Variants in MARCHF11 observed in about 807,000 individuals in gnomAD.
MARCHF11 encodes the protein membrane associated ring-CH-type finger 11, also known as E3 ubiquitin-protein ligase MARCHF11.
Under a neutral mutation model 37.3 loss-of-function variants are expected in MARCHF11, and 29 were observed. That is an observed-to-expected ratio of 0.78 (90% CI 0.58 to 1.06). The LOEUF (loss-of-function observed/expected upper bound fraction) is 1.06, where lower values mean the gene tolerates loss of function less well. Among genes scored for constraint, MARCHF11 ranks in the 50% least tolerant of loss-of-function variants. MARCHF11 has a pLI of 0.00. For missense variants in MARCHF11, 482 were observed against 533.4 expected (o/e 0.90, Z 0.95); for synonymous variants, 233 against 228.0 (o/e 1.02, Z -0.20).
intron 2 of MARCHF11, among the ~76,000 whole-genome samples, chr5:16,102,545 A>G (rs192547543): frequency 1.3e-5 from 2 of 152,356 alleles, no homozygotes; most frequent in Admixed American, 6.5e-5. Context: ...GCAATTGGAC[A>G]TCGGAGACTA....
chr5:16,125,352 C>T lies in MARCHF11; in HGVS notation c.694-34271G>A, dbSNP rs1233976488. 3.5e-5 allele frequency among the ~76,000 whole-genome samples: 5 copies of T among 141,660 alleles called. No homozygotes were observed. The East Asian group carries it at 9.6e-4, about 27-fold the overall frequency. 92.9% of individuals were successfully genotyped at this position (141,660 alleles called of 152,430 possible). A position where few individuals can be genotyped will look rare whatever the true frequency, so the allele number is the denominator to read the frequency against. ...GATAATACATGTCACTATCCAGAACCGAGATATCTCACAGTTCATGTTCAA... is the reference window on the plus strand; with the variant it reads ...GATAATACATGTCACTATCCAGAACTGAGATATCTCACAGTTCATGTTCAA... On this transcript the variant is annotated intron_variant, in intron 2 of 3. Coordinates refer to ENST00000332432, the MANE Select transcript of MARCHF11 (RefSeq NM_001102562.3).
At chr5:16,118,334 G>A (rs1028122216) in intron 2 of MARCHF11, among the ~76,000 whole-genome samples, 2 of 152,138 alleles carry the variant, frequency 1.3e-5, no homozygotes, top group Admixed American at 1.3e-4. Context: ...TTCACTGCTG[G>A]ATGCAGACTG....
chr5:16,169,599 A>T (rs1316147742), intron 2 of MARCHF11, among the ~76,000 whole-genome samples: 1 of 152,132 alleles, frequency 6.6e-6, no homozygotes, highest in African/African-American at 2.4e-5. Flanking sequence ...GTCTTATCAT[A>T]TAACAGGTTC....
chr5:16,087,331 C>G (rs932218482), intron 3 of MARCHF11, among the ~76,000 whole-genome samples: 2 of 152,332 alleles, frequency 1.3e-5, no homozygotes, highest in African/African-American at 4.8e-5. Flanking sequence ...ACACCCTTCT[C>G]TTAATTCTCA....
chr5:16,152,514 G>T (rs541904252), intron 2 of MARCHF11, among the ~76,000 whole-genome samples: 2 of 152,048 alleles, frequency 1.3e-5, no homozygotes, highest in Non-Finnish European at 2.9e-5. Flanking sequence ...AGAAGGATAG[G>T]TGTAAGAGCA....
intron 2 of MARCHF11, among the ~76,000 whole-genome samples, chr5:16,142,147 C>A (rs917721556): frequency 6.6e-6 from 1 of 152,192 alleles, no homozygotes; most frequent in African/African-American, 2.4e-5. Flanking sequence ...GAAGGGCTGG[C>A]TTCACTATTT....
intron 2 of MARCHF11, among the ~76,000 whole-genome samples, chr5:16,098,886 A>G (rs915516536): frequency 6.6e-5 from 10 of 152,214 alleles, no homozygotes; most frequent in African/African-American, 2.4e-4. Flanking sequence ...AAAAATCATA[A>G]ATGACTTAAG....
At chr5:16,105,793 GT>G (rs959780322) in intron 2 of MARCHF11, among the ~76,000 whole-genome samples, 12 of 151,184 alleles carry the variant, frequency 7.9e-5, no homozygotes, top group African/African-American at 1.7e-4. Context: ...TTTTTGTTTT[GT>G]TTTTTTTCAA....
rs576886938 is a variant in MARCHF11, at chr5:16,074,619, C to T, written c.887-6826G>A. ...TCACAGAACCAGGTTGAGAATGGCA[C>T]GTTGATCATCACAGCTCAAAGGCTC... On this transcript the variant is annotated intron_variant, in intron 3 of 3. Transcript: ENST00000332432. Among the ~76,000 whole-genome samples the T allele has an allele frequency of 5.3e-5, 8 of 152,236 alleles. 1 individual carries two copies. The South Asian group carries it at 1.2e-3, about 24-fold the overall frequency.
At position 16,101,011 on chromosome 5, in the gene MARCHF11, A is replaced by G. The variant is rs117319205; in HGVS notation, c.694-9930T>C. 1.8e-4 allele frequency among the ~76,000 whole-genome samples: 28 copies of G among 152,250 alleles called. No individual in the cohort carries two copies. The East Asian group carries it at 5.0e-3, about 27-fold the overall frequency. On this transcript the variant is annotated intron_variant, in intron 2 of 3. Transcript: ENST00000332432. Reference sequence around the variant, plus strand: ...TATTTGGACTGACTTGCAAGTATTAATTTGCCGACTACAGGGTACAGAGTC... The same window carrying G: ...TATTTGGACTGACTTGCAAGTATTAGTTTGCCGACTACAGGGTACAGAGTC...
rs139868632 is a variant in MARCHF11, at chr5:16,089,507, C to T, written c.886+1382G>A. ...TCTTCAGTTTATATATTATTCAAAA[C>T]ATTTCATTCTTTTATTTTTTTCTTT... is the stretch of plus-strand genomic sequence containing the variant. On this transcript the variant is annotated intron_variant, in intron 3 of 3. Transcript: ENST00000332432. Among the ~76,000 whole-genome samples, 29 of 151,822 alleles carry T rather than the reference C, an allele frequency of 1.9e-4. 3 individuals are homozygous for T. Among genetic ancestry groups the T allele is most frequent in the African/African-American group, 7.0e-4 (29 of 41,428 alleles).
intron 2 of MARCHF11, 65 bp downstream of exon 2, chr5:16,177,661 C>T: frequency 1.5e-6 from 2 of 1,363,846 alleles, no homozygotes; most frequent in South Asian, 3.5e-5. Context: ...TTAGTAATAA[C>T]TAAGCTTAAG....
At chr5:16,156,978 T>C (rs1181353713) in intron 2 of MARCHF11, among the ~76,000 whole-genome samples, 3 of 151,956 alleles carry the variant, frequency 2.0e-5, no homozygotes, top group Non-Finnish European at 4.4e-5. Flanking sequence ...TAGTGCATAC[T>C]GTAATTATTT....
At chr5:16,128,183 A>G (rs1737449099) in intron 2 of MARCHF11, among the ~76,000 whole-genome samples, 1 of 152,072 alleles carries the variant, frequency 6.6e-6, no homozygotes, top group Non-Finnish European at 1.5e-5. Flanking sequence ...ATTTCACAAC[A>G]CAAGGTAGCA....
intron 2 of MARCHF11, among the ~76,000 whole-genome samples, chr5:16,134,147 G>A (rs1427686941): frequency 6.6e-6 from 1 of 152,156 alleles, no homozygotes. Flanking sequence ...AGCCTGGCAT[G>A]GAAAGGCAGT....
At chr5:16,151,649 ATGTG>A (rs58891017) in intron 2 of MARCHF11, among the ~76,000 whole-genome samples, 17,382 of 131,314 alleles carry the variant, frequency 0.13, 1,113 homozygotes, top group Admixed American at 0.19. Context: ...CGTGAGTTGA[ATGTG>A]TGTGTGTGTG....
chr5:16,076,714 C>G (rs1055208922), intron 3 of MARCHF11, among the ~76,000 whole-genome samples: 6 of 152,122 alleles, frequency 3.9e-5, no homozygotes, highest in African/African-American at 1.4e-4. Context: ...CTCTGAGACC[C>G]AGAGAAGTGA....
intron 2 of MARCHF11, among the ~76,000 whole-genome samples, chr5:16,094,047 G>A (rs575077982): frequency 3.3e-5 from 5 of 152,198 alleles, no homozygotes; most frequent in African/African-American, 4.8e-5. Flanking sequence ...AATAATTAAT[G>A]AAGACACATC....
At chr5:16,079,509 A>C (rs1300002613) in intron 3 of MARCHF11, among the ~76,000 whole-genome samples, 1 of 152,180 alleles carries the variant, frequency 6.6e-6, no homozygotes, top group Non-Finnish European at 1.5e-5. Flanking sequence ...ATCTTAACCC[A>C]GTCTCACCAC....
Sources: gnomAD v4.1 joint callset for allele counts (sites outside exome capture counted in the v4.1 genomes callset) on GRCh38, gnomAD v4.1.1 for gene constraint, MANE v1.5 for transcripts, NCBI Gene and HGNC (gene_info 2026-07-23, HGNC 2026-07-21) for gene names.